NDC80: variants seen among roughly 807,000 people sequenced by gnomAD.
NDC80 encodes the protein kinetochore protein NDC80 homolog.
NDC80 carries 69 observed loss-of-function variants against 89.3 expected under a neutral mutation model. The ratio of observed to expected loss-of-function variants is 0.77; its 90% CI spans 0.64 to 0.94. NDC80 has a LOEUF of 0.94. NDC80 is among the 40% of genes least tolerant of loss of function. The pLI is 0.00. For synonymous variants in NDC80, 243 were observed against 255.6 expected (o/e 0.95, Z 0.47); for missense variants, 593 against 739.6 (o/e 0.80, Z 2.30).
In NDC80 at chr18:2,608,908, T is replaced by G. The variant is rs2072728899; in HGVS notation, c.1688+78T>G. On this transcript the variant is annotated intron_variant, in intron 15 of 16. Transcript: ENST00000261597. Reference sequence around the variant, plus strand: ...CAGTTCCATAAAATTAGATCTATTTTTATTTGCTTTAATTTATAGTATACA... The same window carrying G: ...CAGTTCCATAAAATTAGATCTATTTGTATTTGCTTTAATTTATAGTATACA... 3 of 1,457,918 alleles carry G rather than the reference T, an allele frequency of 2.1e-6. No homozygotes were observed. In the Admixed American group the frequency reaches 5.7e-5, roughly 28 times the overall value. The allele number at this position is 1,457,918 out of a possible 1,614,324, so 90.3% of individuals were successfully genotyped here. A position where few individuals can be genotyped will look rare whatever the true frequency, so the allele number is the denominator to read the frequency against.
At chr18:2,579,062 G>A (rs2072562973) in intron 6 of NDC80, 33 bp downstream of exon 6, 1 of 1,325,632 alleles carries the variant, frequency 7.5e-7, no homozygotes, top group Admixed American at 2.7e-5. Context: ...ATGTATACAT[G>A]GGAAAGGGTT....
At chr18:2,598,600 G>C (rs2072669132) in intron 11 of NDC80, among the ~76,000 whole-genome samples, 1 of 152,120 alleles carries the variant, frequency 6.6e-6, no homozygotes, top group Non-Finnish European at 1.5e-5. Context: ...AACATTTTCA[G>C]ACATAAATGA....
At chr18:2,586,496 G>A (rs747984946) in intron 7 of NDC80, among the ~76,000 whole-genome samples, 3 of 152,132 alleles carry the variant, frequency 2.0e-5, no homozygotes, top group South Asian at 2.1e-4. Flanking sequence ...TTGGGAGGCC[G>A]AGGTGGGCAG....
chr18:2,601,272 T>TA lies in NDC80; in HGVS notation c.1375-120dup, dbSNP rs1397692375. 1.0e-5 allele frequency: 4 copies of TA among 391,174 alleles called. No homozygotes were observed. In the East Asian group the frequency reaches 1.2e-4, roughly 11 times the overall value. The allele number at this position is 391,174 out of a possible 1,614,324, so 24.2% of individuals were successfully genotyped here. On this transcript the variant is annotated intron_variant, in intron 12 of 16. Transcript: ENST00000261597. The stretch of plus-strand genomic sequence containing the variant: ...TTTCTGTTTGACAGTATATTAGATT[T>TA]AAAATGTTATAACTTCAGTTTTTCT...
At chr18:2,573,937 G>A (rs180989352) in intron 2 of NDC80, among the ~76,000 whole-genome samples, 2 of 145,554 alleles carry the variant, frequency 1.4e-5, no homozygotes, top group Admixed American at 1.4e-4. Context: ...TACAGAGCAG[G>A]CTCTAAAAAA....
At position 2,610,408 on chromosome 18, in the gene NDC80, A is replaced by T. The variant is rs2072736600; in HGVS notation, c.1689-351A>T. Among the ~76,000 whole-genome samples the T allele has an allele frequency of 2.0e-5, 3 of 152,288 alleles. No homozygotes were observed. The South Asian group carries it at 6.2e-4, about 32-fold the overall frequency. On this transcript the variant is annotated intron_variant, in intron 15 of 16. Transcript: ENST00000261597. ...TTTTATTGGTTTTAATTTGAATTTG[A>T]ATTCCTATAAGTAAGACTTCTACTC...
In NDC80 at chr18:2,573,369, T is replaced by G. The variant is rs540591428; in HGVS notation, c.101+283T>G. ...TGTTCAGTACTCTCTTATTTTTCTC[T>G]TTTATTCTAGAGCTACTTGTTTAAG... On this transcript the variant is annotated intron_variant, in intron 2 of 16. Coordinates refer to ENST00000261597, the MANE Select transcript of NDC80 (RefSeq NM_006101.3). Among the ~76,000 whole-genome samples, 8 of 152,360 alleles carry G rather than the reference T, an allele frequency of 5.3e-5. No homozygotes were observed. In the East Asian group the frequency reaches 1.5e-3, roughly 29 times the overall value.
In NDC80 at chr18:2,578,963, A is replaced by G. The variant is rs749093357; in HGVS notation, c.513A>G (p.Thr171=). The G allele has an allele frequency of 7.6e-6, 12 of 1,570,716 alleles. No homozygotes were observed. In the South Asian group the frequency reaches 1.3e-4, roughly 17 times the overall value. Residue 171 remains threonine (T), a synonymous_variant, in exon 6 of 17, where the codon ACA becomes ACG. Transcript: ENST00000261597. ...CACTATCCAAAAGCTCCATGTACACAGTGGGGGCTCCTCATACATGGCCTC... is the reference window on the plus strand; with the variant it reads ...CACTATCCAAAAGCTCCATGTACACGGTGGGGGCTCCTCATACATGGCCTC... The part of the protein sequence containing the change: ...PFALSKSSMY[T]VGAPHTWPHI...
chr18:2,596,668 A>G (rs1470720746), intron 11 of NDC80, among the ~76,000 whole-genome samples: 1 of 151,816 alleles, frequency 6.6e-6, no homozygotes, highest in Non-Finnish European at 1.5e-5. Flanking sequence ...CAGCCATCCC[A>G]TTACTGGGTA....
chr18:2,578,495 G>T (rs763401473), intron 5 of NDC80, among the ~76,000 whole-genome samples: 9 of 151,880 alleles, frequency 5.9e-5, no homozygotes, highest in Non-Finnish European at 8.8e-5. Context: ...AAGTGACAGA[G>T]AATAGAAAAG....
At chr18:2,611,716 C>A (rs2072745342) in intron 16 of NDC80, among the ~76,000 whole-genome samples, 2 of 152,054 alleles carry the variant, frequency 1.3e-5, no homozygotes, top group African/African-American at 2.4e-5. Flanking sequence ...CTATAAAATT[C>A]TTGGTTAATT....
intron 16 of NDC80, among the ~76,000 whole-genome samples, chr18:2,611,175 A>G (rs1021116314): frequency 5.9e-5 from 9 of 151,500 alleles, no homozygotes; most frequent in Non-Finnish European, 1.3e-4. Flanking sequence ...CAGCCTCCCA[A>G]GTACCTGGGA....
intron 13 of NDC80, among the ~76,000 whole-genome samples, chr18:2,603,303 T>C (rs1234241435): frequency 6.8e-6 from 1 of 147,632 alleles, no homozygotes; most frequent in Non-Finnish European, 1.5e-5. Context: ...GAAAAACTCT[T>C]AGAAAAAGTG....
intron 2 of NDC80, among the ~76,000 whole-genome samples, chr18:2,574,513 G>A (rs1429090713): frequency 6.6e-6 from 1 of 151,998 alleles, no homozygotes; most frequent in Non-Finnish European, 1.5e-5. Flanking sequence ...AATTTTTTCT[G>A]TTAATAATTT....
Position 2,578,983 on chromosome 18 carries a change from G to T in NDC80, c.533G>T (p.Trp178Leu). 6.4e-7 allele frequency: 1 copy of T among 1,574,680 alleles called. No homozygotes were observed. Among genetic ancestry groups the T allele is most frequent in the South Asian group, 1.2e-5 (1 of 84,918 alleles). Reference sequence around the variant, plus strand: ...TACACAGTGGGGGCTCCTCATACATGGCCTCACATTGTGGCAGCCTTAGTT... The same window carrying T: ...TACACAGTGGGGGCTCCTCATACATTGCCTCACATTGTGGCAGCCTTAGTT... ...SMYTVGAPHT[W>L]PHIVAALVWL... is the part of the protein sequence containing the mutation. The change falls in exon 6 of 17, where the codon TGG becomes TTG. Residue 178 changes from tryptophan to leucine, a missense_variant. Physicochemically the swap from Trp to Leu is moderately conservative, Grantham distance 61. Coordinates refer to ENST00000261597, the MANE Select transcript of NDC80 (RefSeq NM_006101.3).
intron 2 of NDC80, among the ~76,000 whole-genome samples, chr18:2,574,662 T>C (rs921519524): frequency 1.3e-5 from 2 of 152,262 alleles, no homozygotes; most frequent in East Asian, 3.9e-4. Context: ...AATGCAAATT[T>C]AGGGTAGAAA....
Position 2,573,014 on chromosome 18 carries a change from G to A in NDC80, c.29G>A (p.Gly10Asp). The A allele has an allele frequency of 6.2e-7, 1 of 1,614,074 alleles. No individual in the cohort carries two copies. The highest frequency in any genetic ancestry group is 1.3e-5 in the African/African-American group (1 of 75,034). ...AAGCGCAGTTCAGTTTCCAGCGGTG[G>A]TGCTGGCCGCCTCTCCATGCAGGAG... MKRSSVSSG[G>D]AGRLSMQELR... Residue 10 changes from glycine to aspartate, a missense_variant, in exon 2 of 17, where the codon GGT (glycine) becomes GAT (aspartate). By Grantham distance (94) the Gly-to-Asp change is moderately conservative. Coordinates refer to ENST00000261597, the MANE Select transcript of NDC80 (RefSeq NM_006101.3).
At position 2,574,969 on chromosome 18, in the gene NDC80, G is replaced by GT; in HGVS notation, c.102-16dup. On this transcript the variant is annotated intron_variant, in intron 2 of 16. Coordinates refer to ENST00000261597, the MANE Select transcript of NDC80 (RefSeq NM_006101.3). ...ATTTTAATTTTTATTTTAAAGAGTT[G>GT]TTTTCTATTTTTCTTAAAGCAAAGA... 1 of 1,502,926 alleles carries GT rather than the reference G, an allele frequency of 6.7e-7. No individual in the cohort carries two copies. Among genetic ancestry groups the GT allele is most frequent in the Non-Finnish European group, 9.1e-7 (1 of 1,097,444 alleles). The allele number at this position is 1,502,926 out of a possible 1,614,324, so 93.1% of individuals were successfully genotyped here. A position where few individuals can be genotyped will look rare whatever the true frequency, so the allele number is the denominator to read the frequency against.
intron 13 of NDC80, among the ~76,000 whole-genome samples, chr18:2,602,569 A>T (rs1342029418): frequency 6.6e-6 from 1 of 152,134 alleles, no homozygotes; most frequent in Non-Finnish European, 1.5e-5. Flanking sequence ...TGGGTACTAA[A>T]ACCTGGAGAT....
Sources: gnomAD v4.1 joint callset for allele counts (sites outside exome capture counted in the v4.1 genomes callset) on GRCh38, gnomAD v4.1.1 for gene constraint, MANE v1.5 for transcripts, NCBI Gene and HGNC (gene_info 2026-07-23, HGNC 2026-07-21) for gene names.